Variants in CLYBL observed in about 807,000 individuals in gnomAD.
CLYBL encodes the protein citramalyl-CoA lyase, mitochondrial.
A neutral mutation model predicts 38.9 loss-of-function variants in CLYBL; 31 were observed. That is an observed-to-expected ratio of 0.80 (90% confidence interval 0.60 to 1.08). CLYBL has a LOEUF of 1.08. Among genes scored for constraint, CLYBL ranks in the 50% least tolerant of loss-of-function variants. The pLI is 0.00. For synonymous variants in CLYBL, 171 were observed against 158.6 expected (o/e 1.08, Z -0.59); for missense variants, 434 against 411.6 (o/e 1.05, Z -0.47).
At chr13:99,693,265 T>C (rs2047933788) in intron 1 of CLYBL, among the ~76,000 whole-genome samples, 1 of 152,186 alleles carries the variant, frequency 6.6e-6, no homozygotes, top group East Asian at 1.9e-4. Context: ...TCTTCATCTT[T>C]GTATCCCCCA....
At chr13:99,715,278 A>G (rs2048295206) in intron 1 of CLYBL, among the ~76,000 whole-genome samples, 1 of 151,764 alleles carries the variant, frequency 6.6e-6, no homozygotes, top group African/African-American at 2.4e-5. Context: ...CCTCCCCTTC[A>G]CTGTGTTTTG....
chr13:99,864,949 GTGTGTGTATA>G (rs763427582), intron 5 of CLYBL, 38 bp downstream of exon 5: 15 of 1,388,258 alleles, frequency 1.1e-5, no homozygotes, highest in Middle Eastern at 1.8e-4. Context: ...TTCTGTGTGT[GTGTGTGTATA>G]TGTGTGTATA....
chr13:99,848,001 C>T (rs546799403), intron 2 of CLYBL, among the ~76,000 whole-genome samples: 76 of 152,306 alleles, frequency 5.0e-4, no homozygotes, highest in African/African-American at 1.7e-3. Context: ...CTGGTTCAAG[C>T]TCCCTCCCTC....
At chr13:99,858,337 A>G (rs979958668) in intron 2 of CLYBL, among the ~76,000 whole-genome samples, 1 of 152,164 alleles carries the variant, frequency 6.6e-6, no homozygotes, top group Non-Finnish European at 1.5e-5. Flanking sequence ...TCAAGATTCA[A>G]CTCAGTTGCA....
intron 1 of CLYBL, among the ~76,000 whole-genome samples, chr13:99,760,699 T>C (rs1359071776): frequency 6.6e-6 from 1 of 152,238 alleles, no homozygotes; most frequent in South Asian, 2.1e-4. Context: ...TATGTGATGA[T>C]TTGTATCTCT....
At chr13:99,736,279 T>C (rs2048666956) in intron 1 of CLYBL, among the ~76,000 whole-genome samples, 2 of 151,494 alleles carry the variant, frequency 1.3e-5, no homozygotes, top group Admixed American at 1.3e-4. Context: ...TCCTGGGTGA[T>C]GTGGCCGCCT....
rs2047407912 is a variant in CLYBL at position 99,661,447 on chromosome 13, CTGT to C, written c.62+54695_62+54697del. Among the ~76,000 whole-genome samples, 4 of 152,246 alleles carry C rather than the reference CTGT, an allele frequency of 2.6e-5. 1 individual carries two copies. The South Asian group carries it at 8.3e-4, about 32-fold the overall frequency. On this transcript the variant is annotated intron_variant, in intron 1 of 8. Coordinates refer to ENST00000339105, the MANE Select transcript of CLYBL (RefSeq NM_206808.5). ...TTTTTCTATTCTGTTGCAAAATTAA[CTGT>C]TGTTATTCTGTCAGACGAGTTATTC...
intron 1 of CLYBL, among the ~76,000 whole-genome samples, chr13:99,607,558 G>C (rs972372114): frequency 2.0e-4 from 31 of 152,244 alleles, no homozygotes; most frequent in African/African-American, 7.0e-4. Flanking sequence ...CCATCGCCTA[G>C]GTACGTGCAC....
chr13:99,644,069 C>T (rs532886890), intron 1 of CLYBL, among the ~76,000 whole-genome samples: 1 of 149,490 alleles, frequency 6.7e-6, no homozygotes, highest in African/African-American at 2.5e-5. Context: ...GAGCCCATCA[C>T]ACATTTTGTC....
intron 2 of CLYBL, among the ~76,000 whole-genome samples, chr13:99,780,003 G>T (rs1405816395): frequency 6.6e-6 from 1 of 151,952 alleles, no homozygotes; most frequent in Non-Finnish European, 1.5e-5. Context: ...ATTAGACCAA[G>T]CCTGTTAATT....
At chr13:99,909,276 C>T (rs1291756012) in exon 10 of CLYBL, among the ~76,000 whole-genome samples, 1 of 152,254 alleles carries the variant, frequency 6.6e-6, no homozygotes, top group Non-Finnish European at 1.5e-5. Context: ...CATGTTACTT[C>T]ACCTCTCTGG....
chr13:99,890,368 G>A (rs1053673989), intron 7 of CLYBL, among the ~76,000 whole-genome samples: 1 of 152,150 alleles, frequency 6.6e-6, no homozygotes, highest in Non-Finnish European at 1.5e-5. Flanking sequence ...TTTAAAAAAT[G>A]AGTCTGTAAA....
At chr13:99,680,790 C>T (rs958240050) in intron 1 of CLYBL, among the ~76,000 whole-genome samples, 76 of 152,272 alleles carry the variant, frequency 5.0e-4, no homozygotes, top group African/African-American at 1.8e-3. Context: ...AACTAAGGGC[C>T]CAGTCTTTGG....
chr13:99,869,848 A>G lies in CLYBL; in HGVS notation c.803-1090A>G, dbSNP rs577318284. On this transcript the variant is annotated intron_variant, in intron 6 of 8. Transcript: ENST00000339105. The surrounding 1 kb of genome is among the most constrained non-coding windows in gnomAD (Gnocchi z 4.3). The stretch of plus-strand genomic sequence containing the variant: ...AATATATTCAGCAGAGTAAATGATC[A>G]TTAAGTGTACATTCATTTTTAAAGA... Among the ~76,000 whole-genome samples the G allele has an allele frequency of 7.2e-5, 11 of 152,290 alleles. No individual in the cohort carries two copies. The South Asian group carries it at 1.7e-3, about 23-fold the overall frequency.
chr13:99,876,945 G>GGTCTCCAGC (rs2052057503), intron 7 of CLYBL, among the ~76,000 whole-genome samples: 1 of 151,972 alleles, frequency 6.6e-6, no homozygotes, highest in Non-Finnish European at 1.5e-5. Context: ...GAGAAACCAG[G>GGTCTCCAGC]GTCTCCACGT....
downstream of CLYBL, among the ~76,000 whole-genome samples, chr13:99,898,715 A>T (rs1332545177): frequency 6.6e-6 from 1 of 152,106 alleles, no homozygotes; most frequent in Non-Finnish European, 1.5e-5. Flanking sequence ...ACACCCAACA[A>T]ACGCCAAAGC....
chr13:99,662,296 T>A (rs1224057338), intron 1 of CLYBL, among the ~76,000 whole-genome samples: 1 of 152,208 alleles, frequency 6.6e-6, no homozygotes, highest in African/African-American at 2.4e-5. Context: ...AGAATTATTT[T>A]TTAAAAATCT....
intron 2 of CLYBL, among the ~76,000 whole-genome samples, chr13:99,775,575 C>G (rs567135327): frequency 1.3e-5 from 2 of 152,066 alleles, no homozygotes; most frequent in Admixed American, 6.5e-5. Flanking sequence ...GTGGTGTCAT[C>G]ATAGCTCACT....
At chr13:99,868,412 A>C (rs2051804424) in intron 6 of CLYBL, among the ~76,000 whole-genome samples, 1 of 152,014 alleles carries the variant, frequency 6.6e-6, no homozygotes, top group Admixed American at 6.6e-5. Flanking sequence ...AGAAGGAAAG[A>C]AAAAAAAGGA....
Sources: gnomAD v4.1 joint callset for allele counts (sites outside exome capture counted in the v4.1 genomes callset) on GRCh38, gnomAD v4.1.1 for gene constraint, Gnocchi (gnomAD v3.1) non-coding constraint, MANE v1.5 for transcripts, NCBI Gene and HGNC (gene_info 2026-07-23, HGNC 2026-07-21) for gene names.